MRTFB: variants seen among roughly 807,000 people sequenced by gnomAD.
MRTFB encodes the protein myocardin-related transcription factor B.
MRTFB carries 29 observed loss-of-function variants against 104.2 expected under a neutral mutation model. That is an observed-to-expected ratio of 0.28 (90% CI 0.21 to 0.38). The LOEUF is 0.38. Among genes scored for constraint, MRTFB ranks in the 10% least tolerant of loss-of-function variants. The pLI is 1.00. For synonymous variants in MRTFB, 535 were observed against 519.5 expected (o/e 1.03, Z -0.41); for missense variants, 1,270 against 1,341.6 (o/e 0.95, Z 0.83).
rs1054098545 is a variant in MRTFB, at chr16:14,177,148, G to A, written c.155-33095G>A. On this transcript the variant is annotated intron_variant, in intron 3 of 16. Transcript: ENST00000571589. The surrounding 1 kb of genome is among the most constrained non-coding windows in gnomAD (Gnocchi z 4.7). Reference sequence around the variant, plus strand: ...CTGAAGCATAGGGAACATGTAGGGAGTTAATAACGCCGGTCAGGAAGGTGG... The same window carrying A: ...CTGAAGCATAGGGAACATGTAGGGAATTAATAACGCCGGTCAGGAAGGTGG... Among the ~76,000 whole-genome samples, 2 of 152,232 alleles carry A rather than the reference G, an allele frequency of 1.3e-5. No homozygotes were observed. Among genetic ancestry groups the A allele is most frequent in the Non-Finnish European group, 2.9e-5 (2 of 68,044 alleles).
At chr16:14,025,108 A>G in the MRTFB span, among the ~76,000 whole-genome samples, 4 of 152,242 alleles carry the variant, frequency 2.6e-5, no homozygotes, top group Non-Finnish European at 4.4e-5. Flanking sequence ...TCAAAACTTC[A>G]AAGGGTACTT....
At chr16:14,086,811 A>C (rs11861326) in intron 2 of MRTFB, among the ~76,000 whole-genome samples, 394 of 152,288 alleles carry the variant, frequency 2.6e-3, no homozygotes, top group African/African-American at 8.8e-3. Context: ...TTAAGGCTTT[A>C]TTATTTATTT....
chr16:14,215,804 G>A (rs1331871033), intron 6 of MRTFB, among the ~76,000 whole-genome samples: 2 of 152,182 alleles, frequency 1.3e-5, no homozygotes, highest in Admixed American at 1.3e-4. Context: ...TTCCAACCTT[G>A]TGCTAGGGCC....
chr16:14,121,637 G>A (rs557555393), intron 2 of MRTFB, among the ~76,000 whole-genome samples: 4 of 152,262 alleles, frequency 2.6e-5, no homozygotes, highest in Admixed American at 6.5e-5. Flanking sequence ...GAAAAGCCCT[G>A]AAAGCGTTTT....
At chr16:14,063,564 G>A in the MRTFB span, among the ~76,000 whole-genome samples, 1,529 of 152,212 alleles carry the variant, frequency 0.01, 17 homozygotes, top group Middle Eastern at 0.061. Flanking sequence ...GTCCACATCT[G>A]CTCAATGTTT....
chr16:14,200,743 A>T (rs570921219), intron 3 of MRTFB: 1 of 1,495,642 alleles, frequency 6.7e-7, no homozygotes, highest in Non-Finnish European at 9.3e-7. Flanking sequence ...TTTGGTTGGG[A>T]CTTGTTGCCT....
intron 2 of MRTFB, among the ~76,000 whole-genome samples, chr16:14,129,312 A>AT (rs150085070): frequency 8.6e-5 from 13 of 151,922 alleles, no homozygotes; most frequent in African/African-American, 2.7e-4. Context: ...ATAAAATTTG[A>AT]TTTTTTTTGG....
intron 6 of MRTFB, among the ~76,000 whole-genome samples, chr16:14,216,536 T>A (rs2151198651): frequency 6.6e-6 from 1 of 152,298 alleles, no homozygotes; most frequent in Non-Finnish European, 1.5e-5. Flanking sequence ...TATACAACCA[T>A]TAATTACTGT....
rs373630036 is a variant in MRTFB at position 14,091,887 on chromosome 16, CAG to C, written c.-64+12534_-64+12535del. Among the ~76,000 whole-genome samples, 900 of 150,424 alleles carry C rather than the reference CAG, an allele frequency of 6.0e-3. 9 individuals carry two copies. Among genetic ancestry groups the C allele is most frequent in the African/African-American group, 0.02 (839 of 41,162 alleles). ...GCAGCTGCCTGTAATCCCAGCTACT[CAG>C]GGGGCTGAGGCAGAAGAATTGCTTG... is the stretch of plus-strand genomic sequence containing the variant. On this transcript the variant is annotated intron_variant, in intron 2 of 16. Coordinates refer to ENST00000571589, the MANE Select transcript of MRTFB (RefSeq NM_001308142.2).
chr16:14,243,210 A>G (rs1229384691), intron 10 of MRTFB, among the ~76,000 whole-genome samples: 2 of 152,258 alleles, frequency 1.3e-5, no homozygotes, highest in African/African-American at 2.4e-5. Flanking sequence ...ACTTCATCCA[A>G]TGATAAGAAA....
chr16:14,022,274 C>A, the MRTFB span, among the ~76,000 whole-genome samples: 65,587 of 152,112 alleles, frequency 0.43, 14,380 homozygotes, highest in Middle Eastern at 0.6. Flanking sequence ...CCAACACTTA[C>A]TGTAATTGTG....
intron 8 of MRTFB, among the ~76,000 whole-genome samples, chr16:14,230,766 G>C (rs1023838512): frequency 3.9e-5 from 6 of 152,018 alleles, no homozygotes; most frequent in Non-Finnish European, 7.4e-5. Flanking sequence ...CATTTGACCC[G>C]GCCATCCCAT....
At chr16:14,179,915 C>T (rs1488161087) in intron 3 of MRTFB, among the ~76,000 whole-genome samples, 1 of 152,112 alleles carries the variant, frequency 6.6e-6, no homozygotes, top group South Asian at 2.1e-4. Context: ...ACCGGTGAGA[C>T]GCTCAAGTGC....
At chr16:14,158,195 C>A (rs977295083) in intron 3 of MRTFB, among the ~76,000 whole-genome samples, 12 of 152,170 alleles carry the variant, frequency 7.9e-5, no homozygotes, top group Non-Finnish European at 4.4e-5. Flanking sequence ...TGTAACCAAT[C>A]AACACATATT....
At chr16:14,057,017 T>G in the MRTFB span, among the ~76,000 whole-genome samples, 1 of 152,288 alleles carries the variant, frequency 6.6e-6, no homozygotes, top group African/African-American at 2.4e-5. Flanking sequence ...TGGAAATGGT[T>G]GACATAAGGA....
At chr16:14,221,016 TTTTA>T (rs1283397696) in intron 8 of MRTFB, among the ~76,000 whole-genome samples, 5 of 152,222 alleles carry the variant, frequency 3.3e-5, no homozygotes, top group African/African-American at 1.2e-4. Context: ...CTTATTATAC[TTTTA>T]TTCATGTAAT....
chr16:14,246,361 C>T, intron 11 of MRTFB, 112 bp from the exon 12 acceptor site: 1 of 988,524 alleles, frequency 1.0e-6, no homozygotes, highest in Non-Finnish European at 1.5e-6. Flanking sequence ...TTCAGGTGTG[C>T]CGTAACGCAG....
intron 3 of MRTFB, among the ~76,000 whole-genome samples, chr16:14,196,067 C>T (rs559555664): frequency 3.3e-5 from 5 of 152,320 alleles, no homozygotes; most frequent in Admixed American, 6.5e-5. Flanking sequence ...AACATACTGT[C>T]ATATCACAAG....
intron 2 of MRTFB, among the ~76,000 whole-genome samples, chr16:14,128,030 A>G (rs1485947902): frequency 7.0e-6 from 1 of 143,666 alleles, no homozygotes; most frequent in Non-Finnish European, 1.5e-5. Context: ...TAAGTTTATT[A>G]CTGTGACTTG....
Sources: gnomAD v4.1 joint callset for allele counts (sites outside exome capture counted in the v4.1 genomes callset) on GRCh38, gnomAD v4.1.1 for gene constraint, Gnocchi (gnomAD v3.1) non-coding constraint, MANE v1.5 for transcripts, NCBI Gene and HGNC (gene_info 2026-07-23, HGNC 2026-07-21) for gene names.